Variants in ARHGAP24 observed in about 807,000 individuals in gnomAD.
The protein encoded by ARHGAP24 is rho GTPase-activating protein 24.
In ARHGAP24, 50 loss-of-function variants were observed where a neutral mutation model predicts 76.4. That is an observed-to-expected ratio of 0.65 (90% CI 0.52 to 0.83). The LOEUF (loss-of-function observed/expected upper bound fraction) is 0.83. ARHGAP24 is among the 40% of genes least tolerant of loss of function. The pLI is 0.00. For missense variants in ARHGAP24, 930 were observed against 914.2 expected (o/e 1.02, Z -0.22); for synonymous variants, 345 against 323.3 (o/e 1.07, Z -0.72).
At chr4:85,881,247 G>A (rs183979693) in intron 3 of ARHGAP24, among the ~76,000 whole-genome samples, 2 of 152,132 alleles carry the variant, frequency 1.3e-5, no homozygotes, top group Non-Finnish European at 2.9e-5. Flanking sequence ...AAGACAGCAC[G>A]ATTTCATCAT....
At chr4:85,960,712 T>A (rs911972482) in intron 5 of ARHGAP24, among the ~76,000 whole-genome samples, 1 of 152,138 alleles carries the variant, frequency 6.6e-6, no homozygotes, top group Non-Finnish European at 1.5e-5. Context: ...TTAGGAAACT[T>A]GAAAATTATC....
chr4:85,764,975 T>G (rs1726873203), intron 3 of ARHGAP24, among the ~76,000 whole-genome samples: 1 of 152,142 alleles, frequency 6.6e-6, no homozygotes, highest in African/African-American at 2.4e-5. Flanking sequence ...ATTTTTACCT[T>G]ATCTAGAGAT....
intron 3 of ARHGAP24, among the ~76,000 whole-genome samples, chr4:85,748,237 T>C (rs1449196187): frequency 3.3e-5 from 5 of 152,242 alleles, no homozygotes; most frequent in Admixed American, 6.5e-5. Flanking sequence ...CCAAACAAAT[T>C]ACACAATCCT....
Position 85,596,100 on chromosome 4 carries a change from T to A in ARHGAP24, c.180+25379T>A, listed in dbSNP as rs144598143. On this transcript the variant is annotated intron_variant, in intron 2 of 9. Coordinates refer to ENST00000395184, the MANE Select transcript of ARHGAP24 (RefSeq NM_001025616.3). ...ATGATTTTTCTTACCTATCTAGTAT[T>A]GTTACTGGTAACCCAGCAAAGCTTT... Among the ~76,000 whole-genome samples the A allele has an allele frequency of 1.5e-3, 230 of 151,892 alleles. 1 individual carries two copies. The highest frequency in any genetic ancestry group is 5.4e-3 in the African/African-American group (224 of 41,426).
rs892085163 is a variant in ARHGAP24, at chr4:85,994,711, G to A, written c.1057G>A (p.Ala353Thr). 6.2e-7 allele frequency: 1 copy of A among 1,614,084 alleles called. No individual in the cohort carries two copies. The highest frequency in any genetic ancestry group is 8.5e-7 in the Non-Finnish European group (1 of 1,180,024). Residue 353 changes from alanine to threonine, a missense_variant, in exon 9 of 10, where the codon GCC becomes ACC. By Grantham distance (58) the Ala-to-Thr change is moderately conservative. Transcript: ENST00000395184. ...CAACAACAATGAAATTCAGAAGAAA[G>A]CCACCATGGGGCAGTTACAGAACAA... ...VSNNNEIQKKATMGQLQNKEN... is the reference protein window; with the variant it reads ...VSNNNEIQKKTTMGQLQNKEN...
At chr4:85,511,262 A>G (rs868514353) in intron 1 of ARHGAP24, among the ~76,000 whole-genome samples, 17 of 152,166 alleles carry the variant, frequency 1.1e-4, no homozygotes, top group African/African-American at 3.6e-4. Flanking sequence ...AATAAAATTG[A>G]AAAATTATAT....
intron 3 of ARHGAP24, among the ~76,000 whole-genome samples, chr4:85,860,385 G>C (rs1731820543): frequency 6.6e-6 from 1 of 152,028 alleles, no homozygotes; most frequent in African/African-American, 2.4e-5. Flanking sequence ...AAGACCAAAT[G>C]CTAAATACAC....
chr4:85,811,265 T>C (rs534598636), intron 3 of ARHGAP24, among the ~76,000 whole-genome samples: 6 of 152,238 alleles, frequency 3.9e-5, no homozygotes, highest in Non-Finnish European at 8.8e-5. Context: ...GTTGAATTCC[T>C]ATAAAATATT....
At chr4:85,873,944 T>C (rs1316232224) in intron 3 of ARHGAP24, among the ~76,000 whole-genome samples, 1 of 152,212 alleles carries the variant, frequency 6.6e-6, no homozygotes, top group East Asian at 1.9e-4. Context: ...AATATATTTT[T>C]CATTATAGAA....
chr4:85,579,768 G>T (rs1727532116), intron 2 of ARHGAP24, among the ~76,000 whole-genome samples: 1 of 152,060 alleles, frequency 6.6e-6, no homozygotes, highest in Admixed American at 6.6e-5. Flanking sequence ...CATTCATGTT[G>T]TAACATGCTA....
At chr4:85,929,943 G>A (rs2148816189) in intron 4 of ARHGAP24, among the ~76,000 whole-genome samples, 1 of 152,334 alleles carries the variant, frequency 6.6e-6, no homozygotes, top group South Asian at 2.1e-4. Flanking sequence ...AGCTGTAAAA[G>A]TGCTACACAA....
At chr4:85,883,532 T>A (rs571325311) in intron 3 of ARHGAP24, among the ~76,000 whole-genome samples, 3 of 152,246 alleles carry the variant, frequency 2.0e-5, no homozygotes, top group Non-Finnish European at 4.4e-5. Flanking sequence ...CAGTTCTGCA[T>A]GTGCAGGGGG....
At chr4:85,731,011 CACACACACACACACACAG>C (rs1029099018) in intron 3 of ARHGAP24, among the ~76,000 whole-genome samples, 6 of 133,274 alleles carry the variant, frequency 4.5e-5, no homozygotes, top group South Asian at 3.0e-4. Flanking sequence ...CACACACACA[CACACACACACACACACAG>C]AGAGAGAGAC....
intron 3 of ARHGAP24, among the ~76,000 whole-genome samples, chr4:85,798,020 G>A (rs1728436179): frequency 6.6e-6 from 1 of 152,042 alleles, no homozygotes. Context: ...GATCATAAAA[G>A]GAAATTAAAG....
At chr4:85,897,214 G>T (rs911527107) in intron 3 of ARHGAP24, among the ~76,000 whole-genome samples, 1 of 152,074 alleles carries the variant, frequency 6.6e-6, no homozygotes, top group African/African-American at 2.4e-5. Flanking sequence ...TTGCCTCAAT[G>T]CTGGTGTGAA....
chr4:85,766,638 A>C (rs1726940696), intron 3 of ARHGAP24, among the ~76,000 whole-genome samples: 1 of 152,154 alleles, frequency 6.6e-6, no homozygotes, highest in South Asian at 2.1e-4. Context: ...TGAACAACAA[A>C]ACAGCATGTA....
intron 2 of ARHGAP24, among the ~76,000 whole-genome samples, chr4:85,702,245 T>A (rs932672718): frequency 6.6e-6 from 1 of 152,174 alleles, no homozygotes; most frequent in Non-Finnish European, 1.5e-5. Flanking sequence ...TTCTGTTATG[T>A]TTTGGTGAAA....
chr4:85,626,185 G>T (rs1720946550), intron 2 of ARHGAP24, among the ~76,000 whole-genome samples: 1 of 152,108 alleles, frequency 6.6e-6, no homozygotes, highest in Non-Finnish European at 1.5e-5. Context: ...TTACAATTTG[G>T]CATGTTTTTG....
intron 3 of ARHGAP24, among the ~76,000 whole-genome samples, chr4:85,890,478 C>T (rs775394227): frequency 1.3e-4 from 20 of 152,124 alleles, no homozygotes; most frequent in Non-Finnish European, 2.4e-4. Context: ...GTGATGGAAG[C>T]GTGAACAAAC....
Sources: allele counts gnomAD v4.1 joint callset (sites outside exome capture counted in the v4.1 genomes callset), GRCh38; gene constraint gnomAD v4.1.1; transcripts MANE v1.5; gene names NCBI Gene and HGNC (gene_info 2026-07-23, HGNC 2026-07-21).